Variants in CNOT6L observed in about 807,000 individuals in gnomAD.
The protein encoded by CNOT6L is CCR4-NOT transcription complex subunit 6-like.
CNOT6L carries 7 observed loss-of-function variants against 64.0 expected under a neutral mutation model. The observed-to-expected ratio is 0.11, with a 90% CI of 0.06 to 0.21. CNOT6L has a LOEUF of 0.21. Ranked by LOEUF, CNOT6L falls within the 10% of genes least tolerant of loss-of-function variation. The pLI is 1.00. For synonymous variants in CNOT6L, 193 were observed against 243.4 expected (o/e 0.79, Z 1.93); for missense variants, 245 against 669.0 (o/e 0.37, Z 6.99).
chr4:77,717,116 G>C lies in CNOT6L; in HGVS notation c.*3315C>G, dbSNP rs552371434. On this transcript the variant is annotated 3_prime_UTR_variant, in exon 12 of 12. Coordinates refer to ENST00000504123, the MANE Select transcript of CNOT6L (RefSeq NM_144571.3). ...AAAAGTTGCCTATAGAATGGTGCTGGGATTCTGTTCTCTGCTTGCTTTTAG... is the reference window on the plus strand; with the variant it reads ...AAAAGTTGCCTATAGAATGGTGCTGCGATTCTGTTCTCTGCTTGCTTTTAG... The C allele has an allele frequency of 3.9e-5, 6 of 152,516 alleles. No individual in the cohort carries two copies. In the East Asian group the frequency reaches 1.2e-3, roughly 29 times the overall value. The allele number at this position is 152,516 out of a possible 1,614,324, so 9.4% of individuals were successfully genotyped here.
intron 8 of CNOT6L, among the ~76,000 whole-genome samples, chr4:77,739,944 T>C (rs543337585): frequency 1.3e-5 from 2 of 152,228 alleles, no homozygotes; most frequent in African/African-American, 4.8e-5. Context: ...AGAGTAATAA[T>C]AAAAATCTTC....
In CNOT6L at chr4:77,790,815, A is replaced by ATT. The variant is rs35909833; in HGVS notation, c.6-14425_6-14424dup. The stretch of plus-strand genomic sequence containing the variant: ...AGGTGCCCACCACTGCGCCTGGCTG[A>ATT]TTTTTTTTTTTTTTTTTCATTTTTA... On this transcript the variant is annotated intron_variant, in intron 1 of 11. Coordinates refer to ENST00000504123, the MANE Select transcript of CNOT6L (RefSeq NM_144571.3). Among the ~76,000 whole-genome samples the ATT allele has an allele frequency of 2.7e-3, 351 of 128,684 alleles. 1 individual carries two copies. The highest frequency in any genetic ancestry group is 6.3e-3 in the African/African-American group (212 of 33,696). The allele number at this position is 128,684 out of a possible 152,430, so 84.4% of individuals were successfully genotyped here.
intron 8 of CNOT6L, among the ~76,000 whole-genome samples, chr4:77,738,667 T>A (rs1424819362): frequency 6.6e-6 from 1 of 150,492 alleles, no homozygotes; most frequent in Non-Finnish European, 1.5e-5. Flanking sequence ...GCAGGAGAAT[T>A]GCTTGAACCT....
At chr4:77,781,960 T>C (rs577779294) in intron 1 of CNOT6L, among the ~76,000 whole-genome samples, 1 of 152,218 alleles carries the variant, frequency 6.6e-6, no homozygotes, top group East Asian at 1.9e-4. Context: ...ATCTCAACAA[T>C]AGTTTGCAAA....
intron 1 of CNOT6L, among the ~76,000 whole-genome samples, chr4:77,808,586 A>T (rs1732525205): frequency 6.6e-6 from 1 of 152,192 alleles, no homozygotes; most frequent in Admixed American, 6.5e-5. Flanking sequence ...AGAGAATTTA[A>T]GCAATGTGGG....
chr4:77,771,594 G>A (rs1006717291), intron 4 of CNOT6L, among the ~76,000 whole-genome samples: 5 of 152,090 alleles, frequency 3.3e-5, no homozygotes, highest in African/African-American at 1.2e-4. Flanking sequence ...CTTCATATGT[G>A]ATTTAAAAAA....
intron 4 of CNOT6L, among the ~76,000 whole-genome samples, chr4:77,771,646 C>T (rs1727574617): frequency 6.6e-6 from 1 of 152,164 alleles, no homozygotes; most frequent in South Asian, 2.1e-4. Flanking sequence ...AAGATTCAAA[C>T]CATTCATATA....
At chr4:77,759,393 G>A (rs907024848) in intron 4 of CNOT6L, among the ~76,000 whole-genome samples, 6 of 151,798 alleles carry the variant, frequency 4.0e-5, no homozygotes, top group African/African-American at 1.2e-4. Context: ...GTGAAACCCC[G>A]TCTCTACTAA....
intron 1 of CNOT6L, among the ~76,000 whole-genome samples, chr4:77,805,541 A>C (rs1732117811): frequency 2.6e-5 from 4 of 152,190 alleles, no homozygotes. Flanking sequence ...ACAGAAGTAC[A>C]TTTTCATTTC....
chr4:77,818,788 G>A (rs142405311), intron 1 of CNOT6L, among the ~76,000 whole-genome samples: 10 of 152,006 alleles, frequency 6.6e-5, no homozygotes, highest in Non-Finnish European at 1.2e-4. Context: ...AGGCGTCCGG[G>A]GAGGTGGGCG....
chr4:77,796,897 A>G (rs1577996496), intron 1 of CNOT6L, among the ~76,000 whole-genome samples: 2 of 152,024 alleles, frequency 1.3e-5, no homozygotes, highest in African/African-American at 2.4e-5. Context: ...CCTGGACAAC[A>G]TGGCAAAACC....
At chr4:77,807,520 A>G (rs529952147) in intron 1 of CNOT6L, among the ~76,000 whole-genome samples, 10 of 152,338 alleles carry the variant, frequency 6.6e-5, no homozygotes, top group Admixed American at 6.5e-5. Flanking sequence ...AAGGACTACA[A>G]GTACCAAGTA....
intron 1 of CNOT6L, among the ~76,000 whole-genome samples, chr4:77,787,929 C>T (rs1333534032): frequency 1.3e-5 from 2 of 152,214 alleles, no homozygotes; most frequent in Non-Finnish European, 2.9e-5. Context: ...AATTCCACTA[C>T]ATTGATCTGC....
intron 6 of CNOT6L, among the ~76,000 whole-genome samples, chr4:77,747,586 T>TAA (rs75678892): frequency 2.0e-5 from 3 of 151,590 alleles, no homozygotes; most frequent in Non-Finnish European, 2.9e-5. Context: ...CTCTTGTGAT[T>TAA]AAAAAAAAGA....
chr4:77,735,065 A>G (rs1449556151), intron 8 of CNOT6L, among the ~76,000 whole-genome samples: 1 of 152,132 alleles, frequency 6.6e-6, no homozygotes, highest in Non-Finnish European at 1.5e-5. Context: ...CTGCCTACTC[A>G]TGGTCACATA....
intron 7 of CNOT6L, 85 bp from the exon 8 acceptor site, chr4:77,742,380 T>C: frequency 2.5e-6 from 3 of 1,206,802 alleles, no homozygotes; most frequent in Non-Finnish European, 3.6e-6. Context: ...ATGAGTAAGA[T>C]GTAACTTAGT....
intron 1 of CNOT6L, among the ~76,000 whole-genome samples, chr4:77,780,012 T>A (rs572719883): frequency 7.9e-5 from 12 of 152,114 alleles, no homozygotes; most frequent in African/African-American, 1.2e-4. Context: ...ATTAACATTA[T>A]TAAACCTTTC....
intron 8 of CNOT6L, among the ~76,000 whole-genome samples, chr4:77,736,300 T>A (rs1722938987): frequency 6.6e-6 from 1 of 152,204 alleles, no homozygotes; most frequent in Non-Finnish European, 1.5e-5. Flanking sequence ...AATAAGAGTG[T>A]TGATATGTTT....
At chr4:77,793,219 CGTAAGAGAT>C (rs1345913710) in intron 1 of CNOT6L, among the ~76,000 whole-genome samples, 2 of 151,968 alleles carry the variant, frequency 1.3e-5, no homozygotes, top group African/African-American at 4.8e-5. Context: ...CCAAATTCTT[CGTAAGAGAT>C]GATGATATTC....
Sources: gnomAD v4.1 joint callset for allele counts (sites outside exome capture counted in the v4.1 genomes callset) on GRCh38, gnomAD v4.1.1 for gene constraint, MANE v1.5 for transcripts, NCBI Gene and HGNC (gene_info 2026-07-23, HGNC 2026-07-21) for gene names.